Variants in DCHS2 observed in about 807,000 individuals in gnomAD.
DCHS2 encodes the protein dachsous cadherin-related 2.
In DCHS2, 142 loss-of-function variants were observed where a neutral mutation model predicts 182.4. The ratio of observed to expected loss-of-function variants is 0.78; its 90% CI spans 0.68 to 0.89. The LOEUF is 0.89. DCHS2 is among the 40% of genes least tolerant of loss of function. The pLI is 0.00. For synonymous variants in DCHS2, 1,740 were observed against 1,663.3 expected (o/e 1.05, Z -1.12); for missense variants, 4,319 against 4,198.6 (o/e 1.03, Z -0.79).
intron 1 of DCHS2, among the ~76,000 whole-genome samples, chr4:154,477,859 C>G (rs889088084): frequency 6.6e-6 from 1 of 152,154 alleles, no homozygotes; most frequent in East Asian, 1.9e-4. Flanking sequence ...ACTGACGTTC[C>G]TCAAATGGGT....
At chr4:154,326,573 T>C (rs1182468115) in intron 7 of DCHS2, among the ~76,000 whole-genome samples, 1 of 152,190 alleles carries the variant, frequency 6.6e-6, no homozygotes, top group East Asian at 1.9e-4. Flanking sequence ...GATTTCTACA[T>C]TTAATAAGAC....
chr4:154,302,983 A>ATTT (rs1181161750), intron 12 of DCHS2, among the ~76,000 whole-genome samples: 9 of 103,850 alleles, frequency 8.7e-5, no homozygotes, highest in Non-Finnish European at 1.2e-4. Context: ...ACACACACAT[A>ATTT]TTTTTTTTTT....
At chr4:154,261,304 G>A (rs751582191) in intron 14 of DCHS2, among the ~76,000 whole-genome samples, 6 of 152,144 alleles carry the variant, frequency 3.9e-5, no homozygotes, top group Admixed American at 6.5e-5. Context: ...GTGACATAAC[G>A]CATATTTGGA....
At chr4:154,425,069 G>A (rs534003437) in intron 1 of DCHS2, among the ~76,000 whole-genome samples, 1 of 152,290 alleles carries the variant, frequency 6.6e-6, no homozygotes, top group East Asian at 1.9e-4. Flanking sequence ...AAACAGGATC[G>A]CTGGGCTGAG....
chr4:154,362,436 T>A (rs1355955520), intron 3 of DCHS2, among the ~76,000 whole-genome samples: 4 of 152,226 alleles, frequency 2.6e-5, no homozygotes, highest in African/African-American at 9.6e-5. Flanking sequence ...ATGTTATTTA[T>A]TCATTTATTC....
intron 15 of DCHS2, 100 bp downstream of exon 15, chr4:154,259,445 T>A (rs534812847): frequency 6.6e-7 from 1 of 1,519,768 alleles, no homozygotes; most frequent in Non-Finnish European, 8.8e-7. Context: ...GGATTAGAAA[T>A]TTTTATGTAC....
chr4:154,296,589 T>G (rs1163058335), intron 13 of DCHS2, among the ~76,000 whole-genome samples: 1 of 152,226 alleles, frequency 6.6e-6, no homozygotes, highest in Admixed American at 6.5e-5. Flanking sequence ...ATGAATGCAA[T>G]GTTAATCAAA....
intron 1 of DCHS2, among the ~76,000 whole-genome samples, chr4:154,455,644 A>C (rs969825764): frequency 1.3e-5 from 2 of 152,260 alleles, no homozygotes; most frequent in African/African-American, 4.8e-5. Context: ...TAGACTCCAA[A>C]TAAGAACTGT....
At chr4:154,484,819 C>T (rs1291748497) in intron 1 of DCHS2, among the ~76,000 whole-genome samples, 1 of 152,182 alleles carries the variant, frequency 6.6e-6, no homozygotes, top group Non-Finnish European at 1.5e-5. Flanking sequence ...TTTCAATCCT[C>T]AGAGAAGGGA....
At chr4:154,482,195 C>T (rs1326385128) in intron 1 of DCHS2, among the ~76,000 whole-genome samples, 1 of 152,142 alleles carries the variant, frequency 6.6e-6, no homozygotes, top group East Asian at 1.9e-4. Context: ...TTTGCCTGTT[C>T]AATAGAATAT....
intron 10 of DCHS2, among the ~76,000 whole-genome samples, chr4:154,310,534 C>T (rs1340109462): frequency 6.6e-6 from 1 of 152,146 alleles, no homozygotes; most frequent in African/African-American, 2.4e-5. Flanking sequence ...CACTACCTTT[C>T]CCAAGAGATC....
chr4:154,257,512 G>T (rs767325725), intron 15 of DCHS2, among the ~76,000 whole-genome samples: 3 of 152,196 alleles, frequency 2.0e-5, no homozygotes, highest in Non-Finnish European at 2.9e-5. Flanking sequence ...GAAAGTCTGT[G>T]TGACTGAGAG....
intron 1 of DCHS2, among the ~76,000 whole-genome samples, chr4:154,426,976 T>A (rs4696571): frequency 0.8 from 121,687 of 151,880 alleles, 52,362 homozygotes; most frequent in Non-Finnish European, 0.95. Flanking sequence ...TAAATTTTTT[T>A]AAATGCCATA....
intron 3 of DCHS2, among the ~76,000 whole-genome samples, chr4:154,358,121 T>C (rs1729957182): frequency 6.6e-6 from 1 of 152,208 alleles, no homozygotes; most frequent in African/African-American, 2.4e-5. Context: ...ATAAAGTCTC[T>C]GTGGAATGTA....
intron 3 of DCHS2, among the ~76,000 whole-genome samples, chr4:154,349,672 G>C (rs1729517042): frequency 6.6e-6 from 1 of 151,996 alleles, no homozygotes; most frequent in South Asian, 2.1e-4. Flanking sequence ...GTCTACTTAG[G>C]GTTCAACAAC....
intron 15 of DCHS2, among the ~76,000 whole-genome samples, chr4:154,257,309 G>A (rs1053075386): frequency 3.9e-5 from 6 of 152,138 alleles, no homozygotes; most frequent in Admixed American, 3.3e-4. Context: ...CTAGGGTACC[G>A]GCACATCTTA....
chr4:154,242,684 C>T lies in DCHS2; in HGVS notation c.7030G>A (p.Ala2344Thr). Residue 2344 changes from alanine (A) to threonine (T), a missense_variant, in exon 17 of 20, where the codon GCC (alanine) becomes ACC (threonine). Coordinates refer to ENST00000357232, the MANE Select transcript of DCHS2 (RefSeq NM_001358235.2). ...GCTTCAGAGGGGAGAAAAGCTGGGG[C>T]ATTGTCATTTATATCAGTCACCTGT... The part of the protein sequence containing the change: ...KVQVTDINDN[A>T]PAFLPSEAVE... 1 of 1,612,966 alleles carries T rather than the reference C, an allele frequency of 6.2e-7. No homozygotes were observed. Among genetic ancestry groups the T allele is most frequent in the Non-Finnish European group, 8.5e-7 (1 of 1,179,350 alleles).
chr4:154,235,055 G>A lies in DCHS2; in HGVS notation c.9597C>T (p.Asp3199=), dbSNP rs7655799. 0.88 allele frequency: 1,422,503 copies of A among 1,613,736 alleles called. 642,482 individuals are homozygous for A. Among genetic ancestry groups the A allele is most frequent in the Non-Finnish European group, 0.93 (1,093,691 of 1,179,928 alleles). Residue 3199 remains aspartate (D), a synonymous_variant, in exon 20 of 20, where the codon GAC becomes GAT. Coordinates refer to ENST00000357232, the MANE Select transcript of DCHS2 (RefSeq NM_001358235.2). ...AAATAAAGACAGACTCTTTTCTAAC[G>A]TCAGCCAGGATGCTCTCTTTTGCCT... The part of the protein sequence containing the change: ...KREAKESILA[D]VRKESVFISG...
At chr4:154,407,526 C>T (rs1189653755) in intron 1 of DCHS2, among the ~76,000 whole-genome samples, 1 of 152,158 alleles carries the variant, frequency 6.6e-6, no homozygotes, top group African/African-American at 2.4e-5. Context: ...GGAAGTCCTA[C>T]TTTTTTCTAA....
Sources: allele counts gnomAD v4.1 joint callset (sites outside exome capture counted in the v4.1 genomes callset), GRCh38; gene constraint gnomAD v4.1.1; transcripts MANE v1.5; gene names NCBI Gene and HGNC (gene_info 2026-07-23, HGNC 2026-07-21).